Variants in TSGA13 observed in about 807,000 individuals in gnomAD.
The protein encoded by TSGA13 is testis-specific gene 13 protein.
In TSGA13, 37 loss-of-function variants were observed where a neutral mutation model predicts 35.1. That is an observed-to-expected ratio of 1.05 (90% CI 0.81 to 1.39). The LOEUF (loss-of-function observed/expected upper bound fraction) is 1.39. Ranked by LOEUF, TSGA13 falls within the 40% of genes most tolerant of loss-of-function variation. The probability of loss-of-function intolerance (pLI) is 0.00; values close to 1 mark genes in which losing one functional copy is unlikely to be tolerated. For synonymous variants in TSGA13, 124 were observed against 121.2 expected (o/e 1.02, Z -0.15); for missense variants, 338 against 328.5 (o/e 1.03, Z -0.22).
At chr7:130,677,047 C>T (rs551967065) in intron 5 of TSGA13, among the ~76,000 whole-genome samples, 2 of 152,020 alleles carry the variant, frequency 1.3e-5, no homozygotes, top group African/African-American at 4.8e-5. Flanking sequence ...CGCCCGCTAC[C>T]ACGCCCGGCT....
At chr7:130,670,188 T>A (rs1372398559) in intron 7 of TSGA13, among the ~76,000 whole-genome samples, 1 of 152,154 alleles carries the variant, frequency 6.6e-6, no homozygotes, top group East Asian at 1.9e-4. Context: ...TTTACGGAGT[T>A]AAGAGCATCA....
intron 1 of TSGA13, 83 bp from the exon 2 acceptor site, chr7:130,685,443 A>G: frequency 1.6e-6 from 2 of 1,254,036 alleles, no homozygotes; most frequent in African/African-American, 1.5e-5. Flanking sequence ...TGCTCTTAGA[A>G]GTTAAATTTA....
At chr7:130,679,695 T>G (rs1796499451) in intron 4 of TSGA13, among the ~76,000 whole-genome samples, 1 of 152,080 alleles carries the variant, frequency 6.6e-6, no homozygotes, top group Non-Finnish European at 1.5e-5. Flanking sequence ...GGTTTTTCTG[T>G]TTTTGTTTTG....
intron 5 of TSGA13, among the ~76,000 whole-genome samples, chr7:130,674,361 C>T (rs1234489777): frequency 2.6e-5 from 4 of 151,594 alleles, no homozygotes; most frequent in African/African-American, 4.8e-5. Flanking sequence ...TTAGTAGAAA[C>T]GGGGTTTCAC....
chr7:130,668,837 A>G lies in TSGA13; in HGVS notation c.*177T>C, dbSNP rs572595772. 5.1e-4 allele frequency: 655 copies of G among 1,274,082 alleles called. 2 individuals are homozygous for G. The African/African-American group carries it at 9.5e-3, about 19-fold the overall frequency. The allele number at this position is 1,274,082 out of a possible 1,614,324, so 78.9% of individuals were successfully genotyped here. On this transcript the variant is annotated 3_prime_UTR_variant, in exon 8 of 8. Coordinates refer to ENST00000356588, the MANE Select transcript of TSGA13 (RefSeq NM_052933.4). ...TCCCCGGCCGCCCTCGGCCCCCGGG[A>G]CGCAGCCACGCCCCCTTCTCCTCTT...
At position 130,685,310 on chromosome 7, in the gene TSGA13, C is replaced by G; in HGVS notation, c.-100G>C. On this transcript the variant is annotated 5_prime_UTR_variant, in exon 2 of 8. Coordinates refer to ENST00000356588, the MANE Select transcript of TSGA13 (RefSeq NM_052933.4). ...CGTTCTGCAGGGGTTCAATTCAATC[C>G]AAATATTCTTTCCTTAGCACACAGT... The G allele has an allele frequency of 6.3e-7, 1 of 1,585,880 alleles. No individual in the cohort carries two copies. Among genetic ancestry groups the G allele is most frequent in the Non-Finnish European group, 8.6e-7 (1 of 1,157,562 alleles).
At chr7:130,681,531 GGAA>G (rs113028676) in intron 3 of TSGA13, among the ~76,000 whole-genome samples, 4,188 of 152,310 alleles carry the variant, frequency 0.027, 176 homozygotes, top group African/African-American at 0.089. Context: ...CACAGAGAAA[GGAA>G]GAAGAGCAGT....
At chr7:130,681,527 G>A (rs897692183) in intron 3 of TSGA13, among the ~76,000 whole-genome samples, 2 of 151,652 alleles carry the variant, frequency 1.3e-5, no homozygotes, top group South Asian at 4.2e-4. Context: ...TACTCACAGA[G>A]AAAGGAAGAA....
chr7:130,678,169 A>G (rs918442155), intron 5 of TSGA13, among the ~76,000 whole-genome samples: 6 of 152,202 alleles, frequency 3.9e-5, no homozygotes, highest in South Asian at 4.1e-4. Context: ...ACAAGGTCAG[A>G]AGATCGAGAC....
At chr7:130,674,169 C>CTTT (rs1162370815) in intron 5 of TSGA13, among the ~76,000 whole-genome samples, 1,443 of 98,420 alleles carry the variant, frequency 0.015, 112 homozygotes, top group Non-Finnish European at 0.021. Context: ...TTCTTTTTTT[C>CTTT]TTTTTTTTTT....
At chr7:130,686,723 CACACACACACACACACAT>C (rs1366843605), upstream of TSGA13, 1 of 152,010 alleles carries the variant, frequency 6.6e-6, no homozygotes, top group Admixed American at 6.6e-5. Flanking sequence ...CACACACACA[CACACACACACACACACAT>C]CTTCACCATC....
At chr7:130,676,296 A>T (rs782614065) in intron 5 of TSGA13, among the ~76,000 whole-genome samples, 6 of 152,236 alleles carry the variant, frequency 3.9e-5, no homozygotes, top group Non-Finnish European at 5.9e-5. Flanking sequence ...GCCCCATAAA[A>T]TTACCATGGT....
chr7:130,671,068 C>G (rs1451153967), intron 7 of TSGA13, among the ~76,000 whole-genome samples: 2 of 152,102 alleles, frequency 1.3e-5, no homozygotes, highest in Non-Finnish European at 2.9e-5. Context: ...TACCCTCTGC[C>G]ATACAACCTT....
chr7:130,682,402 G>A (rs1796569209), intron 3 of TSGA13, among the ~76,000 whole-genome samples: 1 of 152,126 alleles, frequency 6.6e-6, no homozygotes, highest in Non-Finnish European at 1.5e-5. Context: ...TTACAGGCGT[G>A]AGCTACCATG....
intron 7 of TSGA13, among the ~76,000 whole-genome samples, chr7:130,669,567 T>C (rs1384844275): frequency 6.6e-6 from 1 of 152,222 alleles, no homozygotes; most frequent in East Asian, 1.9e-4. Flanking sequence ...CTAAGAAACT[T>C]TGTCTGCCTT....
chr7:130,685,490 C>A, intron 1 of TSGA13, 130 bp from the exon 2 acceptor site: 1 of 800,064 alleles, frequency 1.2e-6, no homozygotes, highest in Non-Finnish European at 1.7e-6. Flanking sequence ...AGCGATTATC[C>A]AATGTAAAAC....
chr7:130,680,129 C>T (rs1554464839), intron 4 of TSGA13, among the ~76,000 whole-genome samples: 1 of 152,224 alleles, frequency 6.6e-6, no homozygotes, highest in African/African-American at 2.4e-5. Flanking sequence ...CCCATATTTA[C>T]ATCTTCCACG....
At chr7:130,684,883 C>A (rs140523967) in intron 2 of TSGA13, among the ~76,000 whole-genome samples, 74 of 152,058 alleles carry the variant, frequency 4.9e-4, no homozygotes, top group Non-Finnish European at 8.5e-4. Flanking sequence ...TTCTTTGATA[C>A]CTAAAAGGAA....
intron 2 of TSGA13, among the ~76,000 whole-genome samples, chr7:130,684,366 T>C (rs1294147335): frequency 7.2e-5 from 11 of 152,218 alleles, no homozygotes; most frequent in Non-Finnish European, 1.5e-4. Context: ...TCTTTGCTAT[T>C]CTTTTTAAAC....
Sources: allele counts gnomAD v4.1 joint callset (sites outside exome capture counted in the v4.1 genomes callset), GRCh38; gene constraint gnomAD v4.1.1; transcripts MANE v1.5; gene names NCBI Gene and HGNC (gene_info 2026-07-23, HGNC 2026-07-21).